Variants in KATNAL2 observed in about 807,000 individuals in gnomAD.
KATNAL2 encodes the protein katanin p60 ATPase-containing subunit A-like 2.
A neutral mutation model predicts 76.3 loss-of-function variants in KATNAL2; 52 were observed. The observed-to-expected ratio is 0.68, with a 90% CI of 0.55 to 0.86. The LOEUF (loss-of-function observed/expected upper bound fraction) is 0.86. KATNAL2 is among the 40% of genes least tolerant of loss of function. KATNAL2 has a pLI of 0.00. For missense variants in KATNAL2, 660 were observed against 668.9 expected (o/e 0.99, Z 0.15); for synonymous variants, 243 against 244.2 (o/e 1.00, Z 0.05).
At chr18:47,043,231 A>AG (rs1465493699) in intron 3 of KATNAL2, among the ~76,000 whole-genome samples, 1 of 143,580 alleles carries the variant, frequency 7.0e-6, no homozygotes, top group Non-Finnish European at 1.6e-5. Flanking sequence ...CGTTTCAAAA[A>AG]AAAAAAAAAA....
intron 13 of KATNAL2, 138 bp from the exon 14 acceptor site, chr18:47,075,139 T>C (rs1246394769): frequency 1.1e-5 from 6 of 557,648 alleles, no homozygotes; most frequent in African/African-American, 1.0e-4. Flanking sequence ...ATGATTGTAA[T>C]GATTATAAAG....
chr18:47,099,732 T>C (rs1196808759), intron 16 of KATNAL2, among the ~76,000 whole-genome samples: 2 of 152,028 alleles, frequency 1.3e-5, no homozygotes, highest in Non-Finnish European at 2.9e-5. Flanking sequence ...ATCTGTAAAA[T>C]GGGTAGCAGA....
chr18:46,960,270 T>G (rs571866430), intron 3 of KATNAL2, among the ~76,000 whole-genome samples: 1 of 152,158 alleles, frequency 6.6e-6, no homozygotes, highest in Non-Finnish European at 1.5e-5. Flanking sequence ...AAACCTCATC[T>G]CTACTAAAAA....
intron 3 of KATNAL2, among the ~76,000 whole-genome samples, chr18:46,967,865 A>G (rs2060178170): frequency 8.6e-6 from 1 of 116,160 alleles, no homozygotes; most frequent in Non-Finnish European, 1.9e-5. Context: ...AAGTATTTTG[A>G]CTTAAGGAAC....
At position 47,064,958 on chromosome 18, in the gene KATNAL2, T is replaced by C. The variant is rs35052151; in HGVS notation, c.726+1597T>C. Among the ~76,000 whole-genome samples, 521 of 152,312 alleles carry C rather than the reference T, an allele frequency of 3.4e-3. 2 individuals carry two copies. Among genetic ancestry groups the C allele is most frequent in the Non-Finnish European group, 5.1e-3 (344 of 68,018 alleles). ...GAGGTCAAGAAATACTGCTGTTATCTATGGATGCTTTTAATACCTAGGTAA... is the reference window on the plus strand; with the variant it reads ...GAGGTCAAGAAATACTGCTGTTATCCATGGATGCTTTTAATACCTAGGTAA... On this transcript the variant is annotated intron_variant, in intron 10 of 17. Coordinates refer to ENST00000683218, the MANE Select transcript of KATNAL2 (RefSeq NM_001387690.1).
intron 13 of KATNAL2, among the ~76,000 whole-genome samples, chr18:47,072,299 T>A (rs1398898281): frequency 3.3e-5 from 5 of 151,734 alleles, no homozygotes; most frequent in Non-Finnish European, 7.4e-5. Context: ...ACTAGCCTTT[T>A]AAAAAAAAGT....
Position 47,037,973 on chromosome 18 carries a change from C to T in KATNAL2, c.52-8484C>T, listed in dbSNP as rs1201967804. 3.3e-5 allele frequency among the ~76,000 whole-genome samples: 5 copies of T among 152,060 alleles called. No homozygotes were observed. The East Asian group carries it at 9.6e-4, about 29-fold the overall frequency. ...TTGCTGGGATTACAGGAGTGAGCCACAGTGCCCGACCATGAAAAGCCATTT... is the reference window on the plus strand; with the variant it reads ...TTGCTGGGATTACAGGAGTGAGCCATAGTGCCCGACCATGAAAAGCCATTT... On this transcript the variant is annotated intron_variant, in intron 3 of 17. Coordinates refer to ENST00000683218, the MANE Select transcript of KATNAL2 (RefSeq NM_001387690.1).
chr18:47,082,543 T>C (rs765781551), intron 15 of KATNAL2, among the ~76,000 whole-genome samples: 13 of 152,206 alleles, frequency 8.5e-5, no homozygotes, highest in Admixed American at 2.6e-4. Context: ...TATTACATAA[T>C]TTTTTCTGTA....
Position 47,054,441 on chromosome 18 carries a change from A to C in KATNAL2, c.332+3A>C, listed in dbSNP as rs1274892353. 6.2e-7 allele frequency: 1 copy of C among 1,613,292 alleles called. No individual in the cohort carries two copies. ...AGAAGTAGAGGGAAGACCAGAAGGT[A>C]AAGTGAATGGTAATTCTTCTTAATC... is the stretch of plus-strand genomic sequence containing the variant. On this transcript the variant is annotated splice_donor_region_variant and intron_variant, in intron 6 of 17. Transcript: ENST00000683218.
intron 13 of KATNAL2, 88 bp from the exon 14 acceptor site, chr18:47,075,189 T>C: frequency 1.0e-6 from 1 of 989,438 alleles, no homozygotes. Context: ...ATGCTTATTA[T>C]TACAGTCATT....
intron 1 of KATNAL2, among the ~76,000 whole-genome samples, chr18:46,921,073 C>T (rs1390685822): frequency 6.6e-6 from 1 of 152,166 alleles, no homozygotes; most frequent in Non-Finnish European, 1.5e-5. Context: ...TTAGAAGATT[C>T]ATTATAAGTA....
intron 12 of KATNAL2, 30 bp from the exon 13 acceptor site, chr18:47,069,452 C>A: frequency 6.5e-7 from 1 of 1,539,376 alleles, no homozygotes; most frequent in South Asian, 1.1e-5. Flanking sequence ...AGTTGAAATG[C>A]CTGCTCATCT....
At chr18:47,084,872 A>AAAAAAAAAAAAAAAC (rs2062702515) in intron 15 of KATNAL2, among the ~76,000 whole-genome samples, 1 of 149,172 alleles carries the variant, frequency 6.7e-6, no homozygotes, top group Non-Finnish European at 1.5e-5. Flanking sequence ...AAAAAAAAAA[A>AAAAAAAAAAAAAAAC]AAAGCCTGCC....
chr18:47,035,852 A>G (rs939375097), intron 3 of KATNAL2, among the ~76,000 whole-genome samples: 2 of 152,254 alleles, frequency 1.3e-5, no homozygotes, highest in African/African-American at 4.8e-5. Context: ...AGAAAATAAC[A>G]CAGCAAGACA....
intron 15 of KATNAL2, among the ~76,000 whole-genome samples, chr18:47,078,383 T>A (rs1220244471): frequency 6.6e-6 from 1 of 152,262 alleles, no homozygotes; most frequent in African/African-American, 2.4e-5. Context: ...AATATACTCA[T>A]AATTTAAACC....
At chr18:47,034,408 C>T in intron 3 of KATNAL2, 1 of 1,614,056 alleles carries the variant, frequency 6.2e-7, no homozygotes, top group African/African-American at 1.3e-5. Context: ...GCCAGCTTGC[C>T]CCCCTTCCTT....
At chr18:47,062,914 A>T in intron 8 of KATNAL2, 58 bp from the exon 9 acceptor site, 1 of 1,365,264 alleles carries the variant, frequency 7.3e-7, no homozygotes, top group Non-Finnish European at 1.0e-6. Flanking sequence ...AAACTGAGTT[A>T]TTAAGAAGAG....
At chr18:47,091,822 A>G (rs1301111801) in intron 15 of KATNAL2, among the ~76,000 whole-genome samples, 1 of 152,212 alleles carries the variant, frequency 6.6e-6, no homozygotes, top group Non-Finnish European at 1.5e-5. Context: ...CAGCAGGAAG[A>G]AGGAGTCCCT....
chr18:47,078,017 A>G (rs946060108), intron 15 of KATNAL2, among the ~76,000 whole-genome samples: 2 of 152,224 alleles, frequency 1.3e-5, no homozygotes, highest in African/African-American at 2.4e-5. Flanking sequence ...GGGAAAAACA[A>G]TATCTACTTG....
Sources: allele counts gnomAD v4.1 joint callset (sites outside exome capture counted in the v4.1 genomes callset), GRCh38; gene constraint gnomAD v4.1.1; transcripts MANE v1.5; gene names NCBI Gene and HGNC (gene_info 2026-07-23, HGNC 2026-07-21).